The following DOCK10 variants were observed in gnomAD, a reference collection of about 807,000 sequenced individuals.
The protein encoded by DOCK10 is dedicator of cytokinesis protein 10.
A neutral mutation model predicts 280.1 loss-of-function variants in DOCK10; 145 were observed. The ratio of observed to expected loss-of-function variants is 0.52; its 90% CI spans 0.45 to 0.59. The LOEUF is 0.59. DOCK10 is among the 20% of genes least tolerant of loss of function. DOCK10 has a pLI of 0.00. For missense variants in DOCK10, 2,368 were observed against 2,651.7 expected (o/e 0.89, Z 2.35); for synonymous variants, 915 against 942.2 (o/e 0.97, Z 0.53).
intron 1 of DOCK10, among the ~76,000 whole-genome samples, chr2:224,942,952 A>G (rs913421169): frequency 2.6e-5 from 4 of 152,188 alleles, no homozygotes; most frequent in Non-Finnish European, 5.9e-5. Context: ...TAGTAATTCA[A>G]CTTAAGTCTG....
intron 4 of DOCK10, among the ~76,000 whole-genome samples, chr2:224,888,994 G>A (rs1224932526): frequency 2.6e-5 from 4 of 152,084 alleles, no homozygotes; most frequent in African/African-American, 4.8e-5. Flanking sequence ...AATGAAATAA[G>A]CCAGACGTGG....
At chr2:224,926,862 C>T (rs937096884) in intron 2 of DOCK10, among the ~76,000 whole-genome samples, 4 of 152,190 alleles carry the variant, frequency 2.6e-5, no homozygotes, top group African/African-American at 7.2e-5. Context: ...TATTTATTTT[C>T]CATCTGCTTT....
chr2:224,822,179 G>A (rs994006111), intron 28 of DOCK10, among the ~76,000 whole-genome samples: 1 of 152,174 alleles, frequency 6.6e-6, no homozygotes, highest in East Asian at 1.9e-4. Context: ...GGTTATAGTA[G>A]TCAAGAGTTA....
intron 1 of DOCK10, among the ~76,000 whole-genome samples, chr2:224,957,285 G>GCCA (rs1704092562): frequency 8.4e-6 from 1 of 118,614 alleles, no homozygotes; most frequent in African/African-American, 3.2e-5. Flanking sequence ...TTTACTTTCC[G>GCCA]CCCCCCCCCG....
chr2:224,819,508 G>C lies in DOCK10; in HGVS notation c.3205C>G (p.Arg1069Gly). 1.2e-6 allele frequency: 2 copies of C among 1,605,550 alleles called. No homozygotes were observed. The highest frequency in any genetic ancestry group is 1.7e-6 in the Non-Finnish European group (2 of 1,176,184). ...FLKRCFTFMD[R>G]GYVFKMVNNY... ...TTGACCATCTTAAACACATACCCTC[G>C]GTCCATAAATGTAAAGCAGCGCTAA... The change falls in exon 29 of 56, where the codon CGA (arginine) becomes GGA (glycine). Residue 1069 changes from arginine (R) to glycine (G), a missense_variant. This residue lies in a region of DOCK10 where 1,159 missense variants were observed against 1,400.8 expected (regional missense o/e 0.83). Coordinates refer to ENST00000258390, the MANE Select transcript of DOCK10 (RefSeq NM_014689.3).
At chr2:224,933,309 A>T (rs1437212729) in intron 1 of DOCK10, among the ~76,000 whole-genome samples, 1 of 152,180 alleles carries the variant, frequency 6.6e-6, no homozygotes. Flanking sequence ...TTAATTCCAA[A>T]GATTTAGATT....
chr2:225,006,473 C>T (rs1689255204), intron 1 of DOCK10, among the ~76,000 whole-genome samples: 1 of 152,128 alleles, frequency 6.6e-6, no homozygotes, highest in African/African-American at 2.4e-5. Context: ...ATGTTTTAGC[C>T]CCTGCCACTT....
intron 11 of DOCK10, 94 bp downstream of exon 11, chr2:224,873,902 C>A: frequency 7.7e-7 from 1 of 1,300,722 alleles, no homozygotes; most frequent in Non-Finnish European, 1.1e-6. Context: ...AGTGAGAAAT[C>A]AGTGCCTGGA....
rs567675380 is a variant in DOCK10 at position 224,786,248 on chromosome 2, C to T, written c.5655+774G>A. Among the ~76,000 whole-genome samples the T allele has an allele frequency of 9.9e-5, 15 of 152,158 alleles. No homozygotes were observed. The East Asian group carries it at 1.7e-3, about 18-fold the overall frequency. The stretch of plus-strand genomic sequence containing the variant: ...TGAGGTCTGAGAGCCACTGCCATTC[C>T]GAAAATAAAAGCATGGGATGTCTAT... On this transcript the variant is annotated intron_variant, in intron 50 of 55. Coordinates refer to ENST00000258390, the MANE Select transcript of DOCK10 (RefSeq NM_014689.3). This position sits in a 1 kb window ranked among gnomAD's most constrained non-coding sequence, Gnocchi z 4.7.
chr2:224,869,181 T>G (rs1465877175), intron 11 of DOCK10, among the ~76,000 whole-genome samples: 1 of 152,226 alleles, frequency 6.6e-6, no homozygotes, highest in Non-Finnish European at 1.5e-5. Flanking sequence ...GTAGTTCTAC[T>G]GTGATGTAGC....
chr2:224,998,286 T>A (rs1706328125), intron 1 of DOCK10, among the ~76,000 whole-genome samples: 1 of 136,618 alleles, frequency 7.3e-6, no homozygotes, highest in African/African-American at 2.9e-5. Context: ...TGCTTCTCTG[T>A]GAGTCAGGAT....
chr2:224,943,171 A>G (rs1244137368), intron 1 of DOCK10, among the ~76,000 whole-genome samples: 2 of 152,222 alleles, frequency 1.3e-5, no homozygotes, highest in East Asian at 1.9e-4. Context: ...ATGATCTAAC[A>G]TGACAATTTC....
Position 224,815,878 on chromosome 2 carries a change from A to T in DOCK10, c.3364+739T>A, listed in dbSNP as rs188996543. 3.8e-3 allele frequency among the ~76,000 whole-genome samples: 582 copies of T among 152,164 alleles called. 3 individuals are homozygous for T. The highest frequency in any genetic ancestry group is 0.012 in the African/African-American group (515 of 41,468). ...TGGTGAAACCTCTTCTCTACTAAAA[A>T]TACCAAAATTAGCCAGGTGTGGTGG... On this transcript the variant is annotated intron_variant, in intron 30 of 55. Transcript: ENST00000258390.
intron 40 of DOCK10, 50 bp from the exon 41 acceptor site, chr2:224,800,313 T>C: frequency 1.8e-6 from 2 of 1,136,614 alleles, no homozygotes; most frequent in Non-Finnish European, 2.6e-6. Context: ...CAATGCTTTG[T>C]ACCCTATAAA....
chr2:224,936,374 G>A (rs906652862), intron 1 of DOCK10, among the ~76,000 whole-genome samples: 1 of 152,092 alleles, frequency 6.6e-6, no homozygotes, highest in Non-Finnish European at 1.5e-5. Context: ...CGCTACCTCA[G>A]AAGGAAAGAG....
intron 49 of DOCK10, 55 bp from the exon 50 acceptor site, chr2:224,787,190 G>T: frequency 1.9e-6 from 3 of 1,605,606 alleles, no homozygotes; most frequent in Non-Finnish European, 2.6e-6. Context: ...ACAAATAAGG[G>T]AGTTTTTAAT....
chr2:224,805,642 G>T lies in DOCK10; in HGVS notation c.3815-113C>A. The stretch of plus-strand genomic sequence containing the variant: ...TTGATACTGAGGTAGCAGCAGTGTT[G>T]TCAAAGACCAACATAACAGCGTCTG... On this transcript the variant is annotated intron_variant, in intron 34 of 55. Transcript: ENST00000258390. The surrounding 1 kb of genome is among the most constrained non-coding windows in gnomAD (Gnocchi z 4.3). 2 of 1,378,932 alleles carry T rather than the reference G, an allele frequency of 1.5e-6. No individual in the cohort carries two copies. The highest frequency in any genetic ancestry group is 2.0e-6 in the Non-Finnish European group (2 of 1,004,608). The allele number at this position is 1,378,932 out of a possible 1,614,324, so 85.4% of individuals were successfully genotyped here.
chr2:224,862,658 A>C lies in DOCK10; in HGVS notation c.1685+6T>G, dbSNP rs777424072. ...TCTAGTCTGTTGGCTGCAACTGTCA[A>C]CATACCTTACTGCCCAAGCAAAAGG... On this transcript the variant is annotated splice_donor_region_variant and intron_variant, in intron 14 of 55. Coordinates refer to ENST00000258390, the MANE Select transcript of DOCK10 (RefSeq NM_014689.3). The C allele has an allele frequency of 3.4e-5, 55 of 1,611,718 alleles. No individual in the cohort carries two copies. Among genetic ancestry groups the C allele is most frequent in the Non-Finnish European group, 4.2e-5 (50 of 1,178,188 alleles).
At position 224,864,897 on chromosome 2, in the gene DOCK10, A is replaced by G. The variant is rs1285144239; in HGVS notation, c.1448T>C (p.Leu483Pro). ...RQSEEPHIKGLPEEWLKFPKQ... is the reference protein window; with the variant it reads ...RQSEEPHIKGPPEEWLKFPKQ... ...TGGAAATTTTAGCCATTCCTCTGGAAGTCCCTTGATGTGAGGTTCTTCTGA... is the reference window on the plus strand; with the variant it reads ...TGGAAATTTTAGCCATTCCTCTGGAGGTCCCTTGATGTGAGGTTCTTCTGA... The change falls in exon 12 of 56, where the codon CTT becomes CCT. Residue 483 changes from leucine (L) to proline (P), a missense_variant. Leu to Pro is a moderately conservative substitution (Grantham distance 98). Coordinates refer to ENST00000258390, the MANE Select transcript of DOCK10 (RefSeq NM_014689.3). The G allele has an allele frequency of 6.2e-7, 1 of 1,613,890 alleles. No individual in the cohort carries two copies. Among genetic ancestry groups the G allele is most frequent in the Non-Finnish European group, 8.5e-7 (1 of 1,179,890 alleles).
Sources: gnomAD v4.1 joint callset for allele counts (sites outside exome capture counted in the v4.1 genomes callset) on GRCh38, gnomAD v4.1.1 for gene constraint, gnomAD v4.1.1 regional missense constraint, Gnocchi (gnomAD v3.1) non-coding constraint, MANE v1.5 for transcripts, NCBI Gene and HGNC (gene_info 2026-07-23, HGNC 2026-07-21) for gene names.